Variants in SVIL observed in about 807,000 individuals in gnomAD.
The protein encoded by SVIL is supervillin, also known as archvillin.
SVIL carries 101 observed loss-of-function variants against 240.4 expected under a neutral mutation model. That is an observed-to-expected ratio of 0.42 (90% confidence interval 0.36 to 0.50). SVIL has a LOEUF of 0.50. Ranked by LOEUF, SVIL falls within the 20% of genes least tolerant of loss-of-function variation. The pLI is 0.01. For synonymous variants in SVIL, 999 were observed against 1,100.0 expected, an observed-to-expected ratio of 0.91 and a Z score of 1.82; for missense variants, 2,512 against 2,818.7, an observed-to-expected ratio of 0.89 and a Z score of 2.46.
chr10:29,471,306 T>C (rs1945554254), intron 30 of SVIL, 63 bp from the exon 31 acceptor site: 3 of 1,261,092 alleles, frequency 2.4e-6, no homozygotes, highest in South Asian at 1.4e-5. Context: ...CTAAAAACAA[T>C]ACATGCCTCT....
intron 1 of SVIL, among the ~76,000 whole-genome samples, chr10:29,630,750 GA>G (rs1289344848): frequency 3.3e-5 from 5 of 150,908 alleles, no homozygotes; most frequent in Non-Finnish European, 5.9e-5. Flanking sequence ...ATAGATGAAG[GA>G]AAAAAAAGGA....
At position 29,484,920 on chromosome 10, in the gene SVIL, T is replaced by C. The variant is rs116576640; in HGVS notation, c.4780-89A>G. The stretch of plus-strand genomic sequence containing the variant: ...AACAGGGTCTCTTGTTGACAGTGAG[T>C]CAAACGGAGGAAGACAGAAATCCTA... On this transcript the variant is annotated intron_variant, in intron 26 of 37. Transcript: ENST00000355867. This position sits in a 1 kb window ranked among gnomAD's most constrained non-coding sequence, Gnocchi z 4.7. 3,288 of 1,366,354 alleles carry C rather than the reference T, an allele frequency of 2.4e-3. 76 individuals are homozygous for C. The African/African-American group carries it at 0.043, about 18-fold the overall frequency. 84.6% of individuals were successfully genotyped at this position (1,366,354 alleles called of 1,614,324 possible).
At position 29,493,599 on chromosome 10, in the gene SVIL, T is replaced by C. The variant is rs368316084; in HGVS notation, c.3842-208A>G. ...CCACCTGAACAAATCTGCAGTAAAA[T>C]GGGAGAGAGGGAGGCTGACCATACT... is the stretch of plus-strand genomic sequence containing the variant. On this transcript the variant is annotated intron_variant, in intron 20 of 37. Transcript: ENST00000355867. 1.8e-3 allele frequency among the ~76,000 whole-genome samples: 278 copies of C among 152,096 alleles called. 12 individuals carry two copies. The South Asian group carries it at 0.054, about 30-fold the overall frequency.
rs113722010 is a variant in SVIL at position 29,532,212 on chromosome 10, C to A, written c.1839-40G>T. On this transcript the variant is annotated intron_variant, in intron 8 of 37. Coordinates refer to ENST00000355867, the MANE Select transcript of SVIL (RefSeq NM_021738.3). ...GGGCAGAGAGTATAAGGAAGGCAAACGAAGACAGAGAAAGAGAAGATGGCA... is the reference window on the plus strand; with the variant it reads ...GGGCAGAGAGTATAAGGAAGGCAAAAGAAGACAGAGAAAGAGAAGATGGCA... The A allele has an allele frequency of 5.6e-6, 9 of 1,595,810 alleles. No individual in the cohort carries two copies. In the East Asian group the frequency reaches 2.0e-4, roughly 36 times the overall value.
Position 29,612,971 on chromosome 10 carries a change from A to G in SVIL, c.-201+21449T>C, listed in dbSNP as rs148000651. Among the ~76,000 whole-genome samples, 1,172 of 152,066 alleles carry G rather than the reference A, an allele frequency of 7.7e-3. 10 individuals are homozygous for G. The highest frequency in any genetic ancestry group is 0.023 in the African/African-American group (963 of 41,454). ...GGTGGGCGGATCACAAGGTCAAGAGATTGAGACCATCCCGGCCAACATGGT... is the reference window on the plus strand; with the variant it reads ...GGTGGGCGGATCACAAGGTCAAGAGGTTGAGACCATCCCGGCCAACATGGT... On this transcript the variant is annotated intron_variant, in intron 1 of 37. Transcript: ENST00000355867.
chr10:29,657,822 G>T (rs113369134), intron 3 of SVIL: 1 of 152,158 alleles, frequency 6.6e-6, no homozygotes, highest in African/African-American at 2.4e-5. Context: ...CACAGAGGCC[G>T]CTTTAATCTT....
At chr10:29,468,706 C>G (rs1382585478) in intron 32 of SVIL, among the ~76,000 whole-genome samples, 1 of 151,566 alleles carries the variant, frequency 6.6e-6, no homozygotes, top group Admixed American at 6.6e-5. Flanking sequence ...ATCTGGAGAT[C>G]AGTTCACCGT....
chr10:29,703,298 C>T (rs1225551797), intron 1 of SVIL, among the ~76,000 whole-genome samples: 4 of 152,164 alleles, frequency 2.6e-5, no homozygotes, highest in Non-Finnish European at 5.9e-5. Context: ...GAGGGTGAAA[C>T]GCCAGATGCT....
chr10:29,666,335 A>C (rs1277166549), intron 2 of SVIL, among the ~76,000 whole-genome samples: 1 of 152,256 alleles, frequency 6.6e-6, no homozygotes, highest in Admixed American at 6.5e-5. Context: ...TATCTCCAAG[A>C]TAAATCTATA....
At chr10:29,631,311 A>C (rs1464258513) in intron 1 of SVIL, among the ~76,000 whole-genome samples, 1 of 152,250 alleles carries the variant, frequency 6.6e-6, no homozygotes, top group East Asian at 1.9e-4. Context: ...CCGAGGGCCA[A>C]GGGATCCATT....
At chr10:29,723,095 C>T (rs1013744494) in intron 1 of SVIL, among the ~76,000 whole-genome samples, 2 of 152,142 alleles carry the variant, frequency 1.3e-5, no homozygotes, top group African/African-American at 2.4e-5. Context: ...TAAATGTAGG[C>T]GTGGTGGCTC....
rs1268169668 is a variant in SVIL, at chr10:29,482,689, G to A, written c.4956-961C>T. 4 of 152,258 alleles carry A rather than the reference G, an allele frequency of 2.6e-5. No individual in the cohort carries two copies. In the East Asian group the frequency reaches 5.8e-4, roughly 22 times the overall value. The allele number at this position is 152,258 out of a possible 1,614,324, so 9.4% of individuals were successfully genotyped here. On this transcript the variant is annotated intron_variant, in intron 27 of 37. Transcript: ENST00000355867. ...GAAAGAAAACGGCATAGCTCCACCC[G>A]GAGGTCTTGTGTGGCCTTAGGATTT...
At chr10:29,469,973 A>G (rs1457593579) in intron 32 of SVIL, among the ~76,000 whole-genome samples, 1 of 152,204 alleles carries the variant, frequency 6.6e-6, no homozygotes, top group Non-Finnish European at 1.5e-5. Flanking sequence ...CTCATCCAAA[A>G]GCTGAACGGC....
At chr10:29,685,043 G>C (rs954231911) in intron 2 of SVIL, among the ~76,000 whole-genome samples, 1 of 152,132 alleles carries the variant, frequency 6.6e-6, no homozygotes, top group African/African-American at 2.4e-5. Context: ...TACCCAATGA[G>C]TATTTTTTCT....
upstream of SVIL, among the ~76,000 whole-genome samples, chr10:29,635,998 C>G (rs1958296884): frequency 6.6e-6 from 1 of 152,174 alleles, no homozygotes; most frequent in Non-Finnish European, 1.5e-5. Context: ...CAATGCCTCT[C>G]CCTAAGAGGA....
chr10:29,691,286 A>G (rs1456777352), intron 1 of SVIL, among the ~76,000 whole-genome samples: 1 of 149,086 alleles, frequency 6.7e-6, no homozygotes, highest in Non-Finnish European at 1.5e-5. Context: ...ATCTCGGCTC[A>G]CTGCAAGCTC....
In SVIL at chr10:29,532,822, C is replaced by A. The variant is rs1222210280; in HGVS notation, c.1545G>T (p.Met515Ile). ...QPTERTGRSE[M>I]VLYIQSEPVS... ...CAGGCTCACTTTGAATGTAGAGAAC[C>A]ATCTCGCTCCTGCCTGTCCTCTCAG... The change falls in exon 8 of 38, where the codon ATG (methionine) becomes ATT (isoleucine). Residue 515 changes from methionine (M) to isoleucine (I), a missense_variant. Met to Ile is a conservative substitution (Grantham distance 10, BLOSUM62 1). This residue lies in a region of SVIL where 1,443 missense variants were observed against 1,486.6 expected (regional missense o/e 0.97). Transcript: ENST00000355867. The A allele has an allele frequency of 1.2e-6, 2 of 1,614,106 alleles. No individual in the cohort carries two copies. Among genetic ancestry groups the A allele is most frequent in the Non-Finnish European group, 8.5e-7 (1 of 1,180,018 alleles).
chr10:29,688,670 A>G (rs1482931870), intron 1 of SVIL, among the ~76,000 whole-genome samples: 1 of 152,194 alleles, frequency 6.6e-6, no homozygotes, highest in Non-Finnish European at 1.5e-5. Context: ...AAAATTATCT[A>G]TCTACAAAAA....
intron 1 of SVIL, among the ~76,000 whole-genome samples, chr10:29,731,759 T>G (rs1265021335): frequency 6.6e-6 from 1 of 152,220 alleles, no homozygotes; most frequent in Non-Finnish European, 1.5e-5. Flanking sequence ...CAAGTAAGTC[T>G]CTTTACAATG....
Sources: gnomAD v4.1 joint callset for allele counts (sites outside exome capture counted in the v4.1 genomes callset) on GRCh38, gnomAD v4.1.1 for gene constraint, gnomAD v4.1.1 regional missense constraint, Gnocchi (gnomAD v3.1) non-coding constraint, MANE v1.5 for transcripts, NCBI Gene and HGNC (gene_info 2026-07-23, HGNC 2026-07-21) for gene names.